The following SPOP variants were observed in gnomAD, a reference collection of about 807,000 sequenced individuals.
SPOP encodes the protein speckle type BTB/POZ protein.
Under a neutral mutation model 45.6 loss-of-function variants are expected in SPOP, and 11 were observed. The ratio of observed to expected loss-of-function variants is 0.24; its 90% CI spans 0.15 to 0.40. The LOEUF is 0.40. SPOP is among the 10% of genes least tolerant of loss of function. SPOP has a pLI of 1.00. For synonymous variants in SPOP, 166 were observed against 166.3 expected (o/e 1.00, Z 0.01); for missense variants, 152 against 465.6 (o/e 0.33, Z 6.20).
intron 1 of SPOP, among the ~76,000 whole-genome samples, chr17:49,655,937 A>C (rs995123006): frequency 5.9e-5 from 9 of 152,048 alleles, no homozygotes; most frequent in African/African-American, 2.2e-4. Context: ...CAGCCTCCTG[A>C]GTAGCTAGGA....
chr17:49,632,777 A>G (rs561875689), intron 1 of SPOP, among the ~76,000 whole-genome samples: 9 of 152,144 alleles, frequency 5.9e-5, no homozygotes, highest in African/African-American at 1.4e-4. Flanking sequence ...GCCTCAAGTT[A>G]AATACTATAT....
chr17:49,656,382 C>T (rs902384115), intron 1 of SPOP, among the ~76,000 whole-genome samples: 3 of 152,150 alleles, frequency 2.0e-5, no homozygotes, highest in Non-Finnish European at 2.9e-5. Context: ...CATCTAGATA[C>T]TGCTTTATCT....
chr17:49,607,772 G>T, intron 7 of SPOP, 102 bp downstream of exon 7: 1 of 1,165,048 alleles, frequency 8.6e-7, no homozygotes, highest in Non-Finnish European at 1.3e-6. Flanking sequence ...CTCCATTTTA[G>T]TAAGAAAAAA....
In SPOP at chr17:49,629,233, C is replaced by CT. The variant is rs554217639; in HGVS notation, c.-66-6358dup. 1.1e-3 allele frequency among the ~76,000 whole-genome samples: 164 copies of CT among 151,700 alleles called. 1 individual carries two copies. Among genetic ancestry groups the CT allele is most frequent in the Middle Eastern group, 6.8e-3 (2 of 294 alleles). On this transcript the variant is annotated intron_variant, in intron 1 of 9. Transcript: ENST00000504102. ...CTCCAGCCTGCAACACAGCAAGACTCTATCTCAAAAAAAAAAATAAAAAAT... is the reference window on the plus strand; with the variant it reads ...CTCCAGCCTGCAACACAGCAAGACTCTTATCTCAAAAAAAAAAATAAAAAAT...
At position 49,628,812 on chromosome 17, in the gene SPOP, T is replaced by C. The variant is rs117476508; in HGVS notation, c.-66-5936A>G. On this transcript the variant is annotated intron_variant, in intron 1 of 9. Coordinates refer to ENST00000504102, the MANE Select transcript of SPOP (RefSeq NM_001007228.2). ...CAACTGAACCTACGGTGCACTTCTT[T>C]CCTGCCTTCTTTTATACTTATGAAC... Among the ~76,000 whole-genome samples the C allele has an allele frequency of 8.5e-3, 1,293 of 152,344 alleles. 13 individuals carry two copies. The highest frequency in any genetic ancestry group is 0.02 in the Middle Eastern group (6 of 294).
intron 8 of SPOP, among the ~76,000 whole-genome samples, chr17:49,604,807 T>C (rs562049345): frequency 6.6e-6 from 1 of 152,336 alleles, no homozygotes; most frequent in East Asian, 1.9e-4. Context: ...GTTCTCTCTC[T>C]GATGTACCTA....
chr17:49,607,783 G>T, intron 7 of SPOP, 91 bp downstream of exon 7: 1 of 1,281,628 alleles, frequency 7.8e-7, no homozygotes. Context: ...TAAGAAAAAA[G>T]TAATTAGGAA....
At chr17:49,635,037 G>A (rs1176418149) in intron 1 of SPOP, among the ~76,000 whole-genome samples, 1 of 152,090 alleles carries the variant, frequency 6.6e-6, no homozygotes, top group Non-Finnish European at 1.5e-5. Context: ...GAGAAGGGAG[G>A]TATATGTATG....
In SPOP at chr17:49,600,812, G is replaced by A. The variant is rs539228436; in HGVS notation, c.981-290C>T. 2.5e-5 allele frequency: 8 copies of A among 318,512 alleles called. No individual in the cohort carries two copies. Among genetic ancestry groups the A allele is most frequent in the South Asian group, 1.4e-4 (3 of 21,254 alleles). 19.7% of individuals were successfully genotyped at this position (318,512 alleles called of 1,614,324 possible). On this transcript the variant is annotated intron_variant, in intron 9 of 9. Coordinates refer to ENST00000504102, the MANE Select transcript of SPOP (RefSeq NM_001007228.2). This position sits in a 1 kb window ranked among gnomAD's most constrained non-coding sequence, Gnocchi z 4.2. ...ACTGCCTATGTTCCTTATATTCACCGGTGATGCTAGTCATAAAAAGGAGCA... is the reference window on the plus strand; with the variant it reads ...ACTGCCTATGTTCCTTATATTCACCAGTGATGCTAGTCATAAAAAGGAGCA...
chr17:49,664,307 C>T (rs930004811), intron 1 of SPOP, among the ~76,000 whole-genome samples: 2 of 152,128 alleles, frequency 1.3e-5, no homozygotes, highest in South Asian at 2.1e-4. Flanking sequence ...CAAATTGTCA[C>T]ATCAGACTGA....
chr17:49,612,095 ATGATGT>A (rs374671183), intron 5 of SPOP, among the ~76,000 whole-genome samples: 1 of 152,180 alleles, frequency 6.6e-6, no homozygotes, highest in East Asian at 1.9e-4. Flanking sequence ...GTTGCCCAGG[ATGATGT>A]TGAACTCCTG....
chr17:49,676,640 C>T (rs2073203047), intron 1 of SPOP, among the ~76,000 whole-genome samples: 2 of 152,024 alleles, frequency 1.3e-5, no homozygotes, highest in Admixed American at 1.3e-4. Flanking sequence ...CAAAAAATGC[C>T]CCTCCTCTCG....
chr17:49,639,370 A>G (rs2072604434), intron 1 of SPOP, among the ~76,000 whole-genome samples: 1 of 152,200 alleles, frequency 6.6e-6, no homozygotes, highest in African/African-American at 2.4e-5. Context: ...TTATTATCTA[A>G]TAAGACTAAA....
At chr17:49,621,134 C>T (rs1315393948) in intron 3 of SPOP, among the ~76,000 whole-genome samples, 5 of 152,216 alleles carry the variant, frequency 3.3e-5, no homozygotes, top group Non-Finnish European at 5.9e-5. Context: ...CTGAATGAGA[C>T]TGATCCTCAC....
chr17:49,607,447 T>C, intron 7 of SPOP, 75 bp from the exon 8 acceptor site: 1 of 1,540,632 alleles, frequency 6.5e-7, no homozygotes, highest in Non-Finnish European at 8.7e-7. Context: ...TTCATGATTT[T>C]AAGCTCTAGT....
intron 1 of SPOP, among the ~76,000 whole-genome samples, chr17:49,677,580 C>T (rs769334896): frequency 2.6e-5 from 4 of 152,066 alleles, no homozygotes; most frequent in Non-Finnish European, 5.9e-5. Flanking sequence ...GCCCCCGGGG[C>T]AGCGAAGAAG....
At chr17:49,660,910 G>A (rs975290357) in intron 1 of SPOP, among the ~76,000 whole-genome samples, 1 of 152,210 alleles carries the variant, frequency 6.6e-6, no homozygotes, top group Non-Finnish European at 1.5e-5. Flanking sequence ...AGCTTGCAGT[G>A]AGCTGAGATT....
chr17:49,621,865 C>T (rs1257120319), intron 3 of SPOP, 81 bp downstream of exon 3: 3 of 1,490,692 alleles, frequency 2.0e-6, no homozygotes. Context: ...ATGGAAATTA[C>T]ATTCTTGTCA....
chr17:49,610,185 G>A (rs1380171126), intron 6 of SPOP, among the ~76,000 whole-genome samples: 1 of 152,128 alleles, frequency 6.6e-6, no homozygotes, highest in Non-Finnish European at 1.5e-5. Flanking sequence ...TAAGTGTGGA[G>A]ACACTAACCA....
Sources: allele counts gnomAD v4.1 joint callset (sites outside exome capture counted in the v4.1 genomes callset), GRCh38; gene constraint gnomAD v4.1.1; non-coding constraint Gnocchi (gnomAD v3.1); transcripts MANE v1.5; gene names NCBI Gene and HGNC (gene_info 2026-07-23, HGNC 2026-07-21).